The following EDEM1 variants were observed in gnomAD, a reference collection of about 807,000 sequenced individuals.
The protein encoded by EDEM1 is ER degradation-enhancing alpha-mannosidase-like protein 1.
Under a neutral mutation model 74.4 loss-of-function variants are expected in EDEM1, and 67 were observed. The ratio of observed to expected loss-of-function variants is 0.90; its 90% CI spans 0.74 to 1.10. The LOEUF (loss-of-function observed/expected upper bound fraction) is 1.10, where lower values mean the gene tolerates loss of function less well. Ranked by LOEUF, EDEM1 falls within the 50% of genes least tolerant of loss-of-function variation. The probability of loss-of-function intolerance (pLI) is 0.00; values close to 1 mark genes in which losing one functional copy is unlikely to be tolerated. For synonymous variants in EDEM1, 382 were observed against 335.9 expected, an observed-to-expected ratio of 1.14 and a Z score of -1.50; for missense variants, 926 against 851.6, an observed-to-expected ratio of 1.09 and a Z score of -1.09.
At chr3:5,211,054 G>A (rs968300253) in intron 9 of EDEM1, 66 bp from the exon 10 acceptor site, 5 of 1,410,890 alleles carry the variant, frequency 3.5e-6, no homozygotes, top group African/African-American at 2.8e-5. Flanking sequence ...GAATGTTTCT[G>A]CTTCTTAAGT....
In EDEM1 at chr3:5,219,316, G is replaced by A. The variant is rs2055283519; in HGVS notation, c.*3398G>A. 6.6e-6 allele frequency: 1 copy of A among 152,188 alleles called. No homozygotes were observed. The highest frequency in any genetic ancestry group is 1.5e-5 in the Non-Finnish European group (1 of 68,036). 9.4% of individuals were successfully genotyped at this position (152,188 alleles called of 1,614,324 possible). A position where few individuals can be genotyped will look rare whatever the true frequency, so the allele number is the denominator to read the frequency against. On this transcript the variant is annotated 3_prime_UTR_variant, in exon 12 of 12. Transcript: ENST00000256497. ...AATGTAGTGCTGGTGAAAAGGTAGG[G>A]CTGAGTGATTACCTTAGCCACAGGG... is the stretch of plus-strand genomic sequence containing the variant.
Position 5,211,111 on chromosome 3 carries a change from GT to G in EDEM1, c.1584-5del. On this transcript the variant is annotated splice_polypyrimidine_tract_variant and splice_region_variant and intron_variant, in intron 9 of 11. Transcript: ENST00000256497. ...GAGAGGCAGGACTGACCAGATGATT[GT>G]TTTGTAGGTGTGGGTACGCCACGCT... 1 of 1,613,884 alleles carries G rather than the reference GT, an allele frequency of 6.2e-7. No individual in the cohort carries two copies. Among genetic ancestry groups the G allele is most frequent in the Non-Finnish European group, 8.5e-7 (1 of 1,179,924 alleles).
intron 3 of EDEM1, 112 bp downstream of exon 3, chr3:5,199,807 G>T (rs2055013282): frequency 1.4e-6 from 1 of 707,562 alleles, no homozygotes. Flanking sequence ...GAGTCCATAT[G>T]GGCTTTATGG....
chr3:5,199,404 AG>A (rs984364077), intron 2 of EDEM1, among the ~76,000 whole-genome samples, 187 bp from the exon 3 acceptor site: 4 of 152,216 alleles, frequency 2.6e-5, no homozygotes, highest in Non-Finnish European at 4.4e-5. Flanking sequence ...CTTGAGTTGG[AG>A]GAAATGGGCC....
rs140135927 is a variant in EDEM1 at position 5,211,148 on chromosome 3, A to G, written c.1612A>G (p.Ile538Val). Residue 538 changes from isoleucine (I) to valine (V), a missense_variant, in exon 10 of 12, where the codon ATT becomes GTT. Coordinates refer to ENST00000256497, the MANE Select transcript of EDEM1 (RefSeq NM_014674.3). ...KCGYATLHHV[I>V]DKSTEDRMES... ...TGGGTACGCCACGCTGCATCACGTC[A>G]TTGACAAGTCCACAGAAGACCGGAT... The G allele has an allele frequency of 2.9e-4, 467 of 1,614,208 alleles. No homozygotes were observed. Among genetic ancestry groups the G allele is most frequent in the Admixed American group, 7.2e-4 (43 of 60,020 alleles).
chr3:5,211,719 A>G (rs1409680967), intron 10 of EDEM1, among the ~76,000 whole-genome samples: 1 of 151,786 alleles, frequency 6.6e-6, no homozygotes, highest in Non-Finnish European at 1.5e-5. Context: ...ACCTGGACGA[A>G]CCCTTTGGTA....
In EDEM1 at chr3:5,199,619, A is replaced by G; in HGVS notation, c.610A>G (p.Lys204Glu). The G allele has an allele frequency of 3.1e-6, 5 of 1,613,570 alleles. No homozygotes were observed. The South Asian group carries it at 5.5e-5, about 18-fold the overall frequency. ...AATGGGAAATTCATCCGAGTTCCAG[A>G]AAGCCGTCAAGTTAGTGATCAACAC... Reference protein sequence around the residue: ...AIMGNSSEFQKAVKLVINTVS... With the variant: ...AIMGNSSEFQEAVKLVINTVS... Residue 204 changes from lysine to glutamate, a missense_variant, in exon 3 of 12, where the codon AAA becomes GAA. Transcript: ENST00000256497.
At chr3:5,209,475 C>G (rs1002634519) in intron 8 of EDEM1, among the ~76,000 whole-genome samples, 1 of 152,224 alleles carries the variant, frequency 6.6e-6, no homozygotes, top group African/African-American at 2.4e-5. Flanking sequence ...TTCAGCTTTA[C>G]CCTCCGAAGC....
chr3:5,195,966 G>A (rs1202429543), intron 2 of EDEM1, among the ~76,000 whole-genome samples: 1 of 152,150 alleles, frequency 6.6e-6, no homozygotes, highest in Non-Finnish European at 1.5e-5. Flanking sequence ...CAGTTTCCAG[G>A]GGACTGTATT....
At chr3:5,198,513 A>G (rs932706680) in intron 2 of EDEM1, among the ~76,000 whole-genome samples, 27 of 152,190 alleles carry the variant, frequency 1.8e-4, no homozygotes, top group African/African-American at 6.5e-4. Context: ...GAGCAGAGGG[A>G]TGACTGAGTT....
In EDEM1 at chr3:5,211,248, T is replaced by G. The variant is rs115093171; in HGVS notation, c.1680+32T>G. 784 of 1,593,768 alleles carry G rather than the reference T, an allele frequency of 4.9e-4. 4 individuals are homozygous for G. The African/African-American group carries it at 9.3e-3, about 19-fold the overall frequency. Reference sequence around the variant, plus strand: ...GTGTTGCAAGATGAACCCAGGAATATTTAGTATTGCTTAGAGCAAGCATTC... The same window carrying G: ...GTGTTGCAAGATGAACCCAGGAATAGTTAGTATTGCTTAGAGCAAGCATTC... On this transcript the variant is annotated intron_variant, in intron 10 of 11. Coordinates refer to ENST00000256497, the MANE Select transcript of EDEM1 (RefSeq NM_014674.3).
intron 6 of EDEM1, 99 bp downstream of exon 6, chr3:5,205,340 T>C: frequency 8.0e-7 from 1 of 1,248,768 alleles, no homozygotes; most frequent in Non-Finnish European, 1.1e-6. Context: ...AGGGTCTGTT[T>C]ATCTCTGCCC....
rs761917105 is a variant in EDEM1 at position 5,187,748 on chromosome 3, G to A, written c.-58G>A. On this transcript the variant is annotated 5_prime_UTR_variant, in exon 1 of 12. Transcript: ENST00000256497. ...GGGCTACGGGGCGAGCGCGGGGTGCGGTGGTCGGCGGGGAGGCCCCCGCGC... is the reference window on the plus strand; with the variant it reads ...GGGCTACGGGGCGAGCGCGGGGTGCAGTGGTCGGCGGGGAGGCCCCCGCGC... 2.1e-6 allele frequency: 3 copies of A among 1,455,188 alleles called. No homozygotes were observed. The highest frequency in any genetic ancestry group is 2.8e-5 in the East Asian group (1 of 35,200). 90.1% of individuals were successfully genotyped at this position (1,455,188 alleles called of 1,614,324 possible). A position where few individuals can be genotyped will look rare whatever the true frequency, so the allele number is the denominator to read the frequency against.
At chr3:5,201,992 T>C in intron 4 of EDEM1, 68 bp downstream of exon 4, 3 of 1,526,616 alleles carry the variant, frequency 2.0e-6, no homozygotes, top group Non-Finnish European at 2.6e-6. Context: ...ATTCTTTGCT[T>C]ACTAATTTAT....
intron 2 of EDEM1, among the ~76,000 whole-genome samples, chr3:5,198,970 G>A (rs1307521699): frequency 1.3e-5 from 2 of 152,122 alleles, no homozygotes; most frequent in African/African-American, 2.4e-5. Context: ...ACCCAAAATA[G>A]GAATCATAAT....
intron 6 of EDEM1, 137 bp downstream of exon 6, chr3:5,205,378 A>G: frequency 1.2e-6 from 1 of 867,398 alleles, no homozygotes; most frequent in Non-Finnish European, 1.7e-6. Context: ...CTAGTTTGTC[A>G]GTCATCTGGG....
intron 5 of EDEM1, among the ~76,000 whole-genome samples, chr3:5,204,386 T>G (rs763559918): frequency 1.3e-5 from 2 of 151,104 alleles, no homozygotes; most frequent in Non-Finnish European, 1.5e-5. Context: ...TTTTTTTTTG[T>G]CTTTTGAGAC....
At chr3:5,205,007 C>G in intron 5 of EDEM1, 60 bp from the exon 6 acceptor site, 3 of 1,575,592 alleles carry the variant, frequency 1.9e-6, no homozygotes, top group South Asian at 1.2e-5. Flanking sequence ...AGGCCTGTCT[C>G]CATTCATGTC....
Position 5,188,027 on chromosome 3 carries a change from G to C in EDEM1, c.222G>C (p.Pro74=), listed in dbSNP as rs753743181. The change falls in exon 1 of 12, where the codon CCG becomes CCC. Residue 74 remains proline (P), a synonymous_variant. Coordinates refer to ENST00000256497, the MANE Select transcript of EDEM1 (RefSeq NM_014674.3). ...GGVSGPSWLQ[P]PGTGAAQSPR... is the part of the protein sequence containing the mutation. ...TATCCGGGCCGTCGTGGCTGCAGCC[G>C]CCGGGGACCGGGGCAGCGCAGAGCC... 1 of 1,454,608 alleles carries C rather than the reference G, an allele frequency of 6.9e-7. No individual in the cohort carries two copies. Among genetic ancestry groups the C allele is most frequent in the Admixed American group, 2.7e-5 (1 of 36,794 alleles). The allele number at this position is 1,454,608 out of a possible 1,614,324, so 90.1% of individuals were successfully genotyped here.
Sources: gnomAD v4.1 joint callset for allele counts (sites outside exome capture counted in the v4.1 genomes callset) on GRCh38, gnomAD v4.1.1 for gene constraint, MANE v1.5 for transcripts, NCBI Gene and HGNC (gene_info 2026-07-23, HGNC 2026-07-21) for gene names.